GMDS: variants seen among roughly 807,000 people sequenced by gnomAD.
The protein encoded by GMDS is GDP-mannose 4,6-dehydratase.
GMDS carries 20 observed loss-of-function variants against 49.9 expected under a neutral mutation model. The ratio of observed to expected loss-of-function variants is 0.40; its 90% CI spans 0.28 to 0.58. GMDS has a LOEUF of 0.58. GMDS is among the 20% of genes least tolerant of loss of function. The pLI is 0.42. For synonymous variants in GMDS, 177 were observed against 178.6 expected, an observed-to-expected ratio of 0.99 and a Z score of 0.07; for missense variants, 362 against 481.4, an observed-to-expected ratio of 0.75 and a Z score of 2.32.
intron 8 of GMDS, among the ~76,000 whole-genome samples, chr6:1,733,087 CCT>C (rs1272354463): frequency 6.6e-6 from 1 of 152,226 alleles, no homozygotes; most frequent in African/African-American, 2.4e-5. Flanking sequence ...ACAGGATTCC[CCT>C]GTCACCCTGC....
At chr6:1,760,375 C>T (rs1462210760) in intron 7 of GMDS, among the ~76,000 whole-genome samples, 1 of 152,144 alleles carries the variant, frequency 6.6e-6, no homozygotes, top group African/African-American at 2.4e-5. Context: ...GATAAGTCAC[C>T]ACCTGTTGAC....
chr6:1,925,378 C>A (rs1761944249), intron 7 of GMDS, among the ~76,000 whole-genome samples: 1 of 152,092 alleles, frequency 6.6e-6, no homozygotes, highest in South Asian at 2.1e-4. Context: ...GAATCAGCAA[C>A]AAGTAAGGAC....
At chr6:2,124,096 G>A (rs376086600) in intron 2 of GMDS, among the ~76,000 whole-genome samples, 13 of 150,490 alleles carry the variant, frequency 8.6e-5, no homozygotes, top group South Asian at 4.2e-4. Context: ...TCTGAAAAAC[G>A]TTCTTTAAAA....
chr6:1,625,879 C>T (rs1762837261), intron 9 of GMDS, among the ~76,000 whole-genome samples: 1 of 152,202 alleles, frequency 6.6e-6, no homozygotes, highest in Admixed American at 6.5e-5. Context: ...CGAAAATAGC[C>T]GATCTTTAAA....
intron 4 of GMDS, 48 bp from the exon 5 acceptor site, chr6:1,961,014 CAAAG>C: frequency 1.7e-6 from 2 of 1,156,952 alleles, no homozygotes; most frequent in Non-Finnish European, 2.4e-6. Context: ...CTTCATAGCA[CAAAG>C]GTGCTGTCAG....
intron 7 of GMDS, among the ~76,000 whole-genome samples, chr6:1,786,463 C>T (rs923045326): frequency 2.0e-5 from 3 of 152,238 alleles, no homozygotes; most frequent in Admixed American, 2.0e-4. Flanking sequence ...ACAAGCCCCT[C>T]GCACAGCCTG....
chr6:1,838,982 C>T (rs1479166566), intron 7 of GMDS, among the ~76,000 whole-genome samples: 1 of 152,132 alleles, frequency 6.6e-6, no homozygotes, highest in Non-Finnish European at 1.5e-5. Flanking sequence ...TATCACATTA[C>T]CTAAGTACAA....
intron 9 of GMDS, among the ~76,000 whole-genome samples, chr6:1,654,094 A>G (rs560134797): frequency 3.3e-4 from 51 of 152,288 alleles, no homozygotes; most frequent in African/African-American, 1.2e-3. Context: ...CTATCAAAAA[A>G]CCCAGAAAAT....
At chr6:1,890,155 C>T (rs994283465) in intron 7 of GMDS, among the ~76,000 whole-genome samples, 1 of 152,038 alleles carries the variant, frequency 6.6e-6, no homozygotes, top group Non-Finnish European at 1.5e-5. Context: ...AACTGTCAAA[C>T]TGCTTTACAA....
At chr6:2,179,231 A>G (rs1778414910) in intron 1 of GMDS, among the ~76,000 whole-genome samples, 1 of 152,236 alleles carries the variant, frequency 6.6e-6, no homozygotes, top group South Asian at 2.1e-4. Flanking sequence ...AAAACATTTC[A>G]AAATATCTTA....
intron 7 of GMDS, among the ~76,000 whole-genome samples, chr6:1,903,374 A>G (rs1466233066): frequency 6.6e-6 from 1 of 152,218 alleles, no homozygotes; most frequent in Non-Finnish European, 1.5e-5. Flanking sequence ...TTCAATCGGA[A>G]TTTAATTAGG....
At chr6:2,194,722 G>A (rs917730136) in intron 1 of GMDS, among the ~76,000 whole-genome samples, 9 of 152,162 alleles carry the variant, frequency 5.9e-5, no homozygotes, top group African/African-American at 2.2e-4. Flanking sequence ...TCTTCCACAC[G>A]TGTCACACAC....
At chr6:2,018,372 T>C (rs1768037366) in intron 4 of GMDS, among the ~76,000 whole-genome samples, 1 of 152,206 alleles carries the variant, frequency 6.6e-6, no homozygotes, top group South Asian at 2.1e-4. Flanking sequence ...ATATAAAGTG[T>C]ACAGTTCAAT....
chr6:2,228,368 T>G (rs1195401204), intron 1 of GMDS, among the ~76,000 whole-genome samples: 1 of 152,200 alleles, frequency 6.6e-6, no homozygotes, highest in Non-Finnish European at 1.5e-5. Flanking sequence ...TTTTCTTCAA[T>G]ATACACTCCA....
At chr6:1,913,459 A>G (rs1194047776) in intron 7 of GMDS, among the ~76,000 whole-genome samples, 1 of 152,040 alleles carries the variant, frequency 6.6e-6, no homozygotes, top group Non-Finnish European at 1.5e-5. Context: ...CAGTTGCCTC[A>G]GTTTGCTGCC....
intron 7 of GMDS, among the ~76,000 whole-genome samples, chr6:1,801,170 A>C (rs1376442767): frequency 6.6e-6 from 1 of 152,224 alleles, no homozygotes; most frequent in Non-Finnish European, 1.5e-5. Context: ...ACCTGCACCG[A>C]AATTACCTTT....
At chr6:2,245,241 C>T (rs908664196) in intron 1 of GMDS, 80 bp downstream of exon 1, 1 of 990,072 alleles carries the variant, frequency 1.0e-6, no homozygotes, top group Non-Finnish European at 1.5e-6. Context: ...GGAGAGACCG[C>T]AGCCCACGAG....
chr6:2,025,193 G>T (rs1468119865), intron 4 of GMDS, among the ~76,000 whole-genome samples: 1 of 152,008 alleles, frequency 6.6e-6, no homozygotes, highest in Non-Finnish European at 1.5e-5. Flanking sequence ...ACAACTCAAA[G>T]AAAGAAGACA....
chr6:2,110,277 C>T (rs562748714), intron 4 of GMDS, among the ~76,000 whole-genome samples: 8 of 136,954 alleles, frequency 5.8e-5, no homozygotes, highest in African/African-American at 1.9e-4. Flanking sequence ...GAGGTTCAGG[C>T]TTCCTGGGGA....
Sources: gnomAD v4.1 joint callset for allele counts (sites outside exome capture counted in the v4.1 genomes callset) on GRCh38, gnomAD v4.1.1 for gene constraint, MANE v1.5 for transcripts, NCBI Gene and HGNC (gene_info 2026-07-23, HGNC 2026-07-21) for gene names.